The following CCDC166 variants were observed in gnomAD, a reference collection of about 807,000 sequenced individuals.
CCDC166 encodes the protein coiled-coil domain-containing protein 166.
A neutral mutation model predicts 14.4 loss-of-function variants in CCDC166; 17 were observed. The ratio of observed to expected loss-of-function variants is 1.18; its 90% CI spans 0.81 to 1.77. CCDC166 has a LOEUF of 1.77. Among genes scored for constraint, CCDC166 ranks in the 40% most tolerant of loss-of-function variants. The pLI is 0.00. For synonymous variants in CCDC166, 336 were observed against 330.1 expected (o/e 1.02, Z -0.20); for missense variants, 738 against 665.8 (o/e 1.11, Z -1.19).
Position 143,706,768 on chromosome 8 carries a change from C to T in CCDC166, c.1246G>A (p.Ala416Thr), listed in dbSNP as rs1817536060. ...TCCTCCGACTGTGGGGGGAGAAGAG[C>T]CGGATCCCGATCCCGGGACAGGCCA... Reference protein sequence around the residue: ...LSGLSRDRDPALLPPQSEDSV... With the variant: ...LSGLSRDRDPTLLPPQSEDSV... The change falls in exon 2 of 2, where the codon GCT becomes ACT. Residue 416 changes from alanine to threonine, a missense_variant. Coordinates refer to ENST00000542437, the MANE Select transcript of CCDC166 (RefSeq NM_001162914.1). The T allele has an allele frequency of 6.4e-7, 1 of 1,550,832 alleles. No homozygotes were observed. The highest frequency in any genetic ancestry group is 8.7e-7 in the Non-Finnish European group (1 of 1,146,964).
chr8:143,708,056 C>T lies in CCDC166; in HGVS notation c.54G>A (p.Ala18=). ...GPSAGSQPGG[A]AAAGAEQPLS... is the part of the protein sequence containing the mutation. ...GCGGCTGCTCGGCACCCGCGGCCGCCGCACCACCTGGCTGGCTCCCTGCGC... is the reference window on the plus strand; with the variant it reads ...GCGGCTGCTCGGCACCCGCGGCCGCTGCACCACCTGGCTGGCTCCCTGCGC... Residue 18 remains alanine, a synonymous_variant, in exon 1 of 2, where the codon GCG becomes GCA. Transcript: ENST00000542437. 7 of 1,484,790 alleles carry T rather than the reference C, an allele frequency of 4.7e-6. No homozygotes were observed. The highest frequency in any genetic ancestry group is 1.3e-5 in the South Asian group (1 of 78,570). The allele number at this position is 1,484,790 out of a possible 1,614,324, so 92.0% of individuals were successfully genotyped here.
At position 143,707,306 on chromosome 8, in the gene CCDC166, G is replaced by A. The variant is rs1554616775; in HGVS notation, c.708C>T (p.Arg236=). The part of the protein sequence containing the change: ...RLRQELLLLL[R]RTQLLHHTRR... ...GCGTGTGGTGCAGCAGCTGGGTCCG[G>A]CGGAGCAGCAGCAGCAGCTCCTGCC... is the stretch of plus-strand genomic sequence containing the variant. The change falls in exon 2 of 2, where the codon CGC becomes CGT. Residue 236 remains arginine (R), a synonymous_variant. Transcript: ENST00000542437. The surrounding 1 kb of genome is among the most constrained non-coding windows in gnomAD (Gnocchi z 8.0). 7.0e-7 allele frequency: 1 copy of A among 1,429,770 alleles called. No individual in the cohort carries two copies. Among genetic ancestry groups the A allele is most frequent in the Non-Finnish European group, 9.1e-7 (1 of 1,097,422 alleles). The allele number at this position is 1,429,770 out of a possible 1,614,324, so 88.6% of individuals were successfully genotyped here.
Position 143,706,776 on chromosome 8 carries a change from C to T in CCDC166, c.1238G>A (p.Arg413Gln), listed in dbSNP as rs1199782513. 7 of 1,551,010 alleles carry T rather than the reference C, an allele frequency of 4.5e-6. No homozygotes were observed. The highest frequency in any genetic ancestry group is 6.1e-6 in the Non-Finnish European group (7 of 1,146,946). ...CTGTGGGGGGAGAAGAGCCGGATCC[C>T]GATCCCGGGACAGGCCAGAGAGAAG... The part of the protein sequence containing the change: ...PKLLSGLSRD[R>Q]DPALLPPQSE... The change falls in exon 2 of 2, where the codon CGG becomes CAG. Residue 413 changes from arginine (R) to glutamine (Q), a missense_variant. Coordinates refer to ENST00000542437, the MANE Select transcript of CCDC166 (RefSeq NM_001162914.1).
chr8:143,707,370 G>C lies in CCDC166; in HGVS notation c.644C>G (p.Ala215Gly). 7.8e-6 allele frequency: 11 copies of C among 1,405,404 alleles called. No individual in the cohort carries two copies. Among genetic ancestry groups the C allele is most frequent in the Non-Finnish European group, 1.0e-5 (11 of 1,086,168 alleles). 87.1% of individuals were successfully genotyped at this position (1,405,404 alleles called of 1,614,324 possible). A position where few individuals can be genotyped will look rare whatever the true frequency, so the allele number is the denominator to read the frequency against. Reference protein sequence around the residue: ...AEREAVRALVAHTQAIKADNG... With the variant: ...AEREAVRALVGHTQAIKADNG... ...GTCCGCTTTGATGGCCTGCGTGTGC[G>C]CCACAAGCGCGCGCACCGCCTCCCG... The change falls in exon 2 of 2, where the codon GCG (alanine) becomes GGG (glycine). Residue 215 changes from alanine to glycine, a missense_variant. Transcript: ENST00000542437. The surrounding 1 kb of genome is among the most constrained non-coding windows in gnomAD (Gnocchi z 8.0).
Position 143,708,033 on chromosome 8 carries a change from G to T in CCDC166, c.77C>A (p.Pro26Gln). The T allele has an allele frequency of 6.0e-6, 9 of 1,501,926 alleles. No homozygotes were observed. Among genetic ancestry groups the T allele is most frequent in the Middle Eastern group, 2.3e-4 (1 of 4,416 alleles). The allele number at this position is 1,501,926 out of a possible 1,614,324, so 93.0% of individuals were successfully genotyped here. The change falls in exon 1 of 2, where the codon CCG (proline) becomes CAG (glutamine). Residue 26 changes from proline to glutamine, a missense_variant. Physicochemically the swap from Pro to Gln is moderately conservative, Grantham distance 76. Transcript: ENST00000542437. ...GGAAAAGAEQ[P>Q]LSERAQYLQR... ...CAGGTACTGCGCGCGCTCCGATAGC[G>T]GCTGCTCGGCACCCGCGGCCGCCGC...
chr8:143,707,522 C>T lies in CCDC166; in HGVS notation c.492G>A (p.Glu164=). The change falls in exon 2 of 2, where the codon GAG becomes GAA. Residue 164 remains glutamate (E), a synonymous_variant. Transcript: ENST00000542437. This position sits in a 1 kb window ranked among gnomAD's most constrained non-coding sequence, Gnocchi z 8.0. ...TGTGCTCCACGCGCATATGCAGCAGCTCGCGCTCCAGCGCCCGGATCCGGG... is the reference window on the plus strand; with the variant it reads ...TGTGCTCCACGCGCATATGCAGCAGTTCGCGCTCCAGCGCCCGGATCCGGG... ...QLARIRALER[E]LLHMRVEHTQ... is the part of the protein sequence containing the mutation. The T allele has an allele frequency of 1.4e-6, 2 of 1,383,982 alleles. No individual in the cohort carries two copies. Among genetic ancestry groups the T allele is most frequent in the South Asian group, 1.6e-5 (1 of 63,998 alleles). The allele number at this position is 1,383,982 out of a possible 1,614,324, so 85.7% of individuals were successfully genotyped here.
chr8:143,708,054 G>C lies in CCDC166; in HGVS notation c.56C>G (p.Ala19Gly), dbSNP rs1001540393. The C allele has an allele frequency of 1.3e-5, 20 of 1,485,884 alleles. No individual in the cohort carries two copies. The highest frequency in any genetic ancestry group is 1.7e-5 in the Non-Finnish European group (19 of 1,117,292). 92.0% of individuals were successfully genotyped at this position (1,485,884 alleles called of 1,614,324 possible). Residue 19 changes from alanine to glycine, a missense_variant, in exon 1 of 2, where the codon GCG becomes GGG. Physicochemically the swap from Ala to Gly is moderately conservative, Grantham distance 60. Coordinates refer to ENST00000542437, the MANE Select transcript of CCDC166 (RefSeq NM_001162914.1). ...TAGCGGCTGCTCGGCACCCGCGGCC[G>C]CCGCACCACCTGGCTGGCTCCCTGC... is the stretch of plus-strand genomic sequence containing the variant. ...PSAGSQPGGA[A>G]AAGAEQPLSE...
At position 143,707,876 on chromosome 8, in the gene CCDC166, G is replaced by A. The variant is rs781784319; in HGVS notation, c.234C>T (p.Ser78=). 2.6e-6 allele frequency: 4 copies of A among 1,537,978 alleles called. No homozygotes were observed. The highest frequency in any genetic ancestry group is 3.5e-6 in the Non-Finnish European group (4 of 1,146,302). ...RLREENRLYA[S]YVSARAQRCA... The stretch of plus-strand genomic sequence containing the variant: ...AGCGCTGGGCGCGCGCGCTCACGTA[G>A]CTGGCGTAGAGCCGGTTCTCCTCGC... Residue 78 remains serine, a synonymous_variant, in exon 1 of 2, where the codon AGC becomes AGT. Transcript: ENST00000542437. The surrounding 1 kb of genome is among the most constrained non-coding windows in gnomAD (Gnocchi z 8.0).
At position 143,706,777 on chromosome 8, in the gene CCDC166, G is replaced by T. The variant is rs1554616583; in HGVS notation, c.1237C>A (p.Arg413=). The T allele has an allele frequency of 6.4e-7, 1 of 1,550,898 alleles. No individual in the cohort carries two copies. Among genetic ancestry groups the T allele is most frequent in the Admixed American group, 2.0e-5 (1 of 50,994 alleles). The part of the protein sequence containing the change: ...PKLLSGLSRD[R]DPALLPPQSE... ...TGTGGGGGGAGAAGAGCCGGATCCC[G>T]ATCCCGGGACAGGCCAGAGAGAAGC... The change falls in exon 2 of 2, where the codon CGG becomes AGG. Residue 413 remains arginine, a synonymous_variant. Coordinates refer to ENST00000542437, the MANE Select transcript of CCDC166 (RefSeq NM_001162914.1).
chr8:143,707,813 G>A lies in CCDC166; in HGVS notation c.297C>T (p.Arg99=), dbSNP rs1817568412. The A allele has an allele frequency of 2.0e-5, 31 of 1,540,098 alleles. No homozygotes were observed. The highest frequency in any genetic ancestry group is 2.7e-5 in the Non-Finnish European group (31 of 1,146,186). ...KAIVRLDEQN[R]VDLAQIHWQR... ...GCCAGTGGATCTGCGCTAGGTCCAC[G>A]CGGTTCTGCTCGTCCAGCCGGACGA... is the stretch of plus-strand genomic sequence containing the variant. Residue 99 remains arginine (R), a synonymous_variant, in exon 1 of 2, where the codon CGC becomes CGT. Transcript: ENST00000542437. The surrounding 1 kb of genome is among the most constrained non-coding windows in gnomAD (Gnocchi z 8.0).
rs1554616806 is a variant in CCDC166 at position 143,707,413 on chromosome 8, G to C, written c.601C>G (p.Leu201Val). The change falls in exon 2 of 2, where the codon CTG (leucine) becomes GTG (valine). Residue 201 changes from leucine (L) to valine (V), a missense_variant. Coordinates refer to ENST00000542437, the MANE Select transcript of CCDC166 (RefSeq NM_001162914.1). This position sits in a 1 kb window ranked among gnomAD's most constrained non-coding sequence, Gnocchi z 8.0. ...EREARQRVQSLARRAEREAVR... is the reference protein window; with the variant it reads ...EREARQRVQSVARRAEREAVR... ...GCCTCCCGCTCCGCGCGCCGCGCCA[G>C]TGACTGCACGCGCTGACGCGCCTCG... The C allele has an allele frequency of 5.5e-6, 8 of 1,453,476 alleles. No homozygotes were observed. In the East Asian group the frequency reaches 2.4e-4, roughly 43 times the overall value. The allele number at this position is 1,453,476 out of a possible 1,614,324, so 90.0% of individuals were successfully genotyped here. A position where few individuals can be genotyped will look rare whatever the true frequency, so the allele number is the denominator to read the frequency against.
In CCDC166 at chr8:143,708,101, G is replaced by C; in HGVS notation, c.9C>G (p.Pro3=). 2 of 1,436,000 alleles carry C rather than the reference G, an allele frequency of 1.4e-6. No individual in the cohort carries two copies. The highest frequency in any genetic ancestry group is 2.6e-5 in the East Asian group (1 of 39,076). The allele number at this position is 1,436,000 out of a possible 1,614,324, so 89.0% of individuals were successfully genotyped here. A position where few individuals can be genotyped will look rare whatever the true frequency, so the allele number is the denominator to read the frequency against. ...CTGCGCTCGGCCCGCGCTTTTTCTT[G>C]GGCGCCATGGGTTGGTGCCTGGACC... MA[P]KKKRGPSAGS... Residue 3 remains proline, a synonymous_variant, in exon 1 of 2, where the codon CCC becomes CCG. Coordinates refer to ENST00000542437, the MANE Select transcript of CCDC166 (RefSeq NM_001162914.1).
rs1479210728 is a variant in CCDC166 at position 143,707,091 on chromosome 8, G to C, written c.923C>G (p.Ser308Cys). The change falls in exon 2 of 2, where the codon TCC becomes TGC. Residue 308 changes from serine to cysteine, a missense_variant. Coordinates refer to ENST00000542437, the MANE Select transcript of CCDC166 (RefSeq NM_001162914.1). The surrounding 1 kb of genome is among the most constrained non-coding windows in gnomAD (Gnocchi z 8.0). ...AAPISPSRAA[S>C]QTPSVVPSRA... ...CGACGGTACCACAGACGGGGTCTGG[G>C]AGGCCGCGCGCGACGGGCTTATGGG... is the stretch of plus-strand genomic sequence containing the variant. The C allele has an allele frequency of 6.6e-7, 1 of 1,523,722 alleles. No homozygotes were observed. Among genetic ancestry groups the C allele is most frequent in the Non-Finnish European group, 8.8e-7 (1 of 1,142,108 alleles). 94.4% of individuals were successfully genotyped at this position (1,523,722 alleles called of 1,614,324 possible).
Position 143,707,684 on chromosome 8 carries a change from T to G in CCDC166, c.426A>C (p.Gln142His). The G allele has an allele frequency of 6.8e-7, 1 of 1,469,248 alleles. No individual in the cohort carries two copies. The highest frequency in any genetic ancestry group is 9.0e-7 in the Non-Finnish European group (1 of 1,111,232). The allele number at this position is 1,469,248 out of a possible 1,614,324, so 91.0% of individuals were successfully genotyped here. ...ARAAQMAQQV[Q>H]ELQPYKVLQL... ...CACTGGCCTTGTAGGGCTGCAGCTC[T>G]TGCACCTGCTGTGCCATCTGTGCCG... is the stretch of plus-strand genomic sequence containing the variant. Residue 142 changes from glutamine to histidine, a missense_variant, in exon 1 of 2, where the codon CAA becomes CAC. Physicochemically the swap from Gln to His is conservative, Grantham distance 24. Transcript: ENST00000542437. This position sits in a 1 kb window ranked among gnomAD's most constrained non-coding sequence, Gnocchi z 8.0.
rs782726864 is a variant in CCDC166 at position 143,707,547 on chromosome 8, G to GCCAGCTGCT, written c.458_466dup (p.Glu153_Leu155dup). 2,092 of 1,352,240 alleles carry GCCAGCTGCT rather than the reference G, an allele frequency of 1.5e-3. 4 individuals are homozygous for GCCAGCTGCT. Among genetic ancestry groups the GCCAGCTGCT allele is most frequent in the Non-Finnish European group, 1.8e-3 (1,882 of 1,055,774 alleles). 83.8% of individuals were successfully genotyped at this position (1,352,240 alleles called of 1,614,324 possible). A position where few individuals can be genotyped will look rare whatever the true frequency, so the allele number is the denominator to read the frequency against. On this transcript the variant is annotated inframe_insertion, in exon 2 of 2. Coordinates refer to ENST00000542437, the MANE Select transcript of CCDC166 (RefSeq NM_001162914.1). The surrounding 1 kb of genome is among the most constrained non-coding windows in gnomAD (Gnocchi z 8.0). ...CTCGCGCTCCAGCGCCCGGATCCGG[G>GCCAGCTGCT]CCAGCTGCTCCAGCTGCAGCACCTG...
In CCDC166 at chr8:143,708,098, C is replaced by G; in HGVS notation, c.12G>C (p.Lys4Asn). The G allele has an allele frequency of 7.0e-7, 1 of 1,437,250 alleles. No homozygotes were observed. The highest frequency in any genetic ancestry group is 9.1e-7 in the Non-Finnish European group (1 of 1,098,082). The allele number at this position is 1,437,250 out of a possible 1,614,324, so 89.0% of individuals were successfully genotyped here. A position where few individuals can be genotyped will look rare whatever the true frequency, so the allele number is the denominator to read the frequency against. Reference protein sequence around the residue: MAPKKKRGPSAGSQ... With the variant: MAPNKKRGPSAGSQ... ...TCCCTGCGCTCGGCCCGCGCTTTTTCTTGGGCGCCATGGGTTGGTGCCTGG... is the reference window on the plus strand; with the variant it reads ...TCCCTGCGCTCGGCCCGCGCTTTTTGTTGGGCGCCATGGGTTGGTGCCTGG... The change falls in exon 1 of 2, where the codon AAG (lysine) becomes AAC (asparagine). Residue 4 changes from lysine (K) to asparagine (N), a missense_variant. By Grantham distance (94) the Lys-to-Asn change is moderately conservative (BLOSUM62 0). Coordinates refer to ENST00000542437, the MANE Select transcript of CCDC166 (RefSeq NM_001162914.1).
At position 143,707,616 on chromosome 8, in the gene CCDC166, G is replaced by A. The variant is rs1378265723; in HGVS notation, c.445-47C>T. 1 of 1,326,538 alleles carries A rather than the reference G, an allele frequency of 7.5e-7. No homozygotes were observed. Among genetic ancestry groups the A allele is most frequent in the Non-Finnish European group, 9.6e-7 (1 of 1,042,572 alleles). The allele number at this position is 1,326,538 out of a possible 1,614,324, so 82.2% of individuals were successfully genotyped here. On this transcript the variant is annotated intron_variant, in intron 1 of 1. Coordinates refer to ENST00000542437, the MANE Select transcript of CCDC166 (RefSeq NM_001162914.1). This position sits in a 1 kb window ranked among gnomAD's most constrained non-coding sequence, Gnocchi z 8.0. ...CTCACCCCCACCCCGCCCCCGGCCCGGCCACCAGCCCCGCCCCGCCTCACC... is the reference window on the plus strand; with the variant it reads ...CTCACCCCCACCCCGCCCCCGGCCCAGCCACCAGCCCCGCCCCGCCTCACC...
In CCDC166 at chr8:143,706,749, G is replaced by A. The variant is rs937716923; in HGVS notation, c.1265C>T (p.Ser422Leu). 3.9e-6 allele frequency: 6 copies of A among 1,550,734 alleles called. No homozygotes were observed. Among genetic ancestry groups the A allele is most frequent in the East Asian group, 4.9e-5 (2 of 40,900 alleles). The stretch of plus-strand genomic sequence containing the variant: ...AGCTTCAGCGTTCACGCTGTCCTCC[G>A]ACTGTGGGGGGAGAAGAGCCGGATC... ...DRDPALLPPQ[S>L]EDSVNAEAAA... The change falls in exon 2 of 2, where the codon TCG becomes TTG. Residue 422 changes from serine to leucine, a missense_variant. Transcript: ENST00000542437.
In CCDC166 at chr8:143,707,186, G is replaced by A; in HGVS notation, c.828C>T (p.Pro276=). 1 of 1,386,584 alleles carries A rather than the reference G, an allele frequency of 7.2e-7. No individual in the cohort carries two copies. Among genetic ancestry groups the A allele is most frequent in the South Asian group, 1.6e-5 (1 of 61,516 alleles). 85.9% of individuals were successfully genotyped at this position (1,386,584 alleles called of 1,614,324 possible). A position where few individuals can be genotyped will look rare whatever the true frequency, so the allele number is the denominator to read the frequency against. Residue 276 remains proline, a synonymous_variant, in exon 2 of 2, where the codon CCC becomes CCT. Coordinates refer to ENST00000542437, the MANE Select transcript of CCDC166 (RefSeq NM_001162914.1). This position sits in a 1 kb window ranked among gnomAD's most constrained non-coding sequence, Gnocchi z 8.0. ...ARVHGWLRRG[P]GGPPLWERPA... is the part of the protein sequence containing the mutation. Reference sequence around the variant, plus strand: ...GCCGCTCCCAGAGCGGCGGGCCTCCGGGGCCCCTGCGCAGCCAGCCGTGCA... The same window carrying A: ...GCCGCTCCCAGAGCGGCGGGCCTCCAGGGCCCCTGCGCAGCCAGCCGTGCA...
Sources: allele counts gnomAD v4.1 joint callset, GRCh38; gene constraint gnomAD v4.1.1; non-coding constraint Gnocchi (gnomAD v3.1); transcripts MANE v1.5; gene names NCBI Gene and HGNC (gene_info 2026-07-23, HGNC 2026-07-21).